Variants in EXT2 observed in about 807,000 individuals in gnomAD.
The protein encoded by EXT2 is exostosin-2.
EXT2 carries 53 observed loss-of-function variants against 81.6 expected under a neutral mutation model. That is an observed-to-expected ratio of 0.65 (90% CI 0.52 to 0.82). The LOEUF is 0.82. Ranked by LOEUF, EXT2 falls within the 40% of genes least tolerant of loss-of-function variation. The probability of loss-of-function intolerance (pLI) is 0.00; values close to 1 mark genes in which losing one functional copy is unlikely to be tolerated. For missense variants in EXT2, 774 were observed against 910.2 expected, an observed-to-expected ratio of 0.85 and a Z score of 1.93; for synonymous variants, 320 against 340.0, an observed-to-expected ratio of 0.94 and a Z score of 0.65.
At chr11:44,217,599 AAAGT>A (rs1955735306) in intron 10 of EXT2, among the ~76,000 whole-genome samples, 1 of 152,212 alleles carries the variant, frequency 6.6e-6, no homozygotes, top group African/African-American at 2.4e-5. Context: ...TTTTACTAGG[AAAGT>A]ATCTATTGAG....
At chr11:44,135,390 CTTT>C (rs10707708) in intron 7 of EXT2, among the ~76,000 whole-genome samples, 56 of 116,222 alleles carry the variant, frequency 4.8e-4, no homozygotes, top group Admixed American at 3.6e-4. Context: ...GATGGAAATA[CTTT>C]TTTTTTTTTT....
intron 1 of EXT2, among the ~76,000 whole-genome samples, chr11:44,097,782 A>T (rs1953922131): frequency 6.7e-6 from 1 of 150,266 alleles, no homozygotes; most frequent in Non-Finnish European, 1.5e-5. Context: ...ATAAATAAAT[A>T]AATAAATAAA....
chr11:44,126,959 G>T lies in EXT2; in HGVS notation c.1079+4G>T, dbSNP rs769373654. On this transcript the variant is annotated splice_donor_region_variant and intron_variant, in intron 6 of 13. Coordinates refer to ENST00000533608, the MANE Select transcript of EXT2 (RefSeq NM_207122.2). ...CTGAAGTTCTTGACTGGAAGAGGTG[G>T]GTAGTACCTCCTAGTAAACTCTACA... 3.7e-6 allele frequency: 6 copies of T among 1,613,844 alleles called. No individual in the cohort carries two copies. The highest frequency in any genetic ancestry group is 5.1e-6 in the Non-Finnish European group (6 of 1,179,924).
intron 7 of EXT2, among the ~76,000 whole-genome samples, chr11:44,157,404 G>C (rs1954869349): frequency 6.6e-6 from 1 of 152,194 alleles, no homozygotes; most frequent in Non-Finnish European, 1.5e-5. Context: ...AATCTACTTG[G>C]TTCTCTATTC....
At chr11:44,127,013 A>G in intron 6 of EXT2, 58 bp downstream of exon 6, 2 of 1,597,572 alleles carry the variant, frequency 1.3e-6, no homozygotes, top group Non-Finnish European at 1.7e-6. Flanking sequence ...TTACAAATAA[A>G]ATCTCCTCAG....
intron 3 of EXT2, 61 bp from the exon 4 acceptor site, chr11:44,114,124 C>T (rs113813856): frequency 2.1e-5 from 29 of 1,374,202 alleles, no homozygotes; most frequent in Middle Eastern, 3.7e-4. Flanking sequence ...TTCCTCTCCA[C>T]AGTGTGTATC....
chr11:44,244,061 C>T, intron 13 of EXT2, 88 bp from the exon 14 acceptor site: 1 of 1,234,066 alleles, frequency 8.1e-7, no homozygotes, highest in Non-Finnish European at 1.2e-6. Context: ...ATCTCTCAAC[C>T]TCTTGAACAT....
intron 8 of EXT2, among the ~76,000 whole-genome samples, chr11:44,189,030 T>C (rs1955355775): frequency 6.6e-6 from 1 of 152,194 alleles, no homozygotes; most frequent in Non-Finnish European, 1.5e-5. Flanking sequence ...AGCAAAGATC[T>C]TAAAAGCAGC....
In EXT2 at chr11:44,190,312, C is replaced by A. The variant is rs186189480; in HGVS notation, c.1306-7517C>A. On this transcript the variant is annotated intron_variant, in intron 8 of 13. Coordinates refer to ENST00000533608, the MANE Select transcript of EXT2 (RefSeq NM_207122.2). ...TCAAAGCTTTTTTTCCCCTTTTAGTCTGGTAATTCATAATTGAAACCACAT... is the reference window on the plus strand; with the variant it reads ...TCAAAGCTTTTTTTCCCCTTTTAGTATGGTAATTCATAATTGAAACCACAT... Among the ~76,000 whole-genome samples the A allele has an allele frequency of 5.5e-4, 84 of 152,240 alleles. 1 individual carries two copies. Among genetic ancestry groups the A allele is most frequent in the African/African-American group, 1.9e-3 (78 of 41,528 alleles).
At chr11:44,130,359 A>G (rs1331334576) in intron 7 of EXT2, among the ~76,000 whole-genome samples, 2 of 152,202 alleles carry the variant, frequency 1.3e-5, no homozygotes, top group South Asian at 4.1e-4. Flanking sequence ...GCCTACTGCA[A>G]TTTTAGGGTC....
chr11:44,161,326 T>G (rs1431268495), intron 7 of EXT2, among the ~76,000 whole-genome samples: 1 of 152,292 alleles, frequency 6.6e-6, no homozygotes, highest in Admixed American at 6.5e-5. Context: ...TGCCATACTT[T>G]ATGTATGTTA....
At chr11:44,107,011 T>C (rs1954065003) in intron 1 of EXT2, among the ~76,000 whole-genome samples, 1 of 152,214 alleles carries the variant, frequency 6.6e-6, no homozygotes, top group Admixed American at 6.5e-5. Flanking sequence ...TGAAATAAAA[T>C]AACTGTCTTT....
chr11:44,171,911 A>G, intron 8 of EXT2, 169 bp downstream of exon 8: 1 of 959,192 alleles, frequency 1.0e-6, no homozygotes, highest in South Asian at 1.4e-5. Flanking sequence ...TGAAACACTG[A>G]CAAAAGTAAA....
intron 3 of EXT2, among the ~76,000 whole-genome samples, chr11:44,113,705 G>A (rs780192913): frequency 6.6e-6 from 1 of 152,194 alleles, no homozygotes; most frequent in Non-Finnish European, 1.5e-5. Context: ...AGGCTGGGGT[G>A]TAAGCGATGT....
intron 4 of EXT2, among the ~76,000 whole-genome samples, chr11:44,123,263 GA>G (rs1412032616): frequency 6.6e-6 from 1 of 152,166 alleles, no homozygotes; most frequent in Non-Finnish European, 1.5e-5. Flanking sequence ...AGTAACTAAG[GA>G]AAAGTAACAA....
chr11:44,209,414 T>A (rs969016913), intron 10 of EXT2, among the ~76,000 whole-genome samples: 1 of 152,220 alleles, frequency 6.6e-6, no homozygotes, highest in Non-Finnish European at 1.5e-5. Flanking sequence ...CATTCATGAT[T>A]CTACTATGAT....
At chr11:44,114,550 G>A (rs763424672) in intron 4 of EXT2, among the ~76,000 whole-genome samples, 4 of 152,068 alleles carry the variant, frequency 2.6e-5, no homozygotes, top group Admixed American at 1.3e-4. Flanking sequence ...CCTTAACTCC[G>A]TTCTCTCCTT....
intron 8 of EXT2, among the ~76,000 whole-genome samples, chr11:44,183,994 G>A (rs2135154226): frequency 6.6e-6 from 1 of 152,356 alleles, no homozygotes; most frequent in East Asian, 1.9e-4. Context: ...TGGAATGTGA[G>A]TTCATCTCAC....
At chr11:44,229,173 G>GAAGCTGGCAGCACATTTCA (rs1256283999) in intron 10 of EXT2, among the ~76,000 whole-genome samples, 1 of 152,156 alleles carries the variant, frequency 6.6e-6, no homozygotes, top group Non-Finnish European at 1.5e-5. Context: ...CTGAGAAAAG[G>GAAGCTGGCAGCACATTTCA]AAGCTGGCAG....
Sources: allele counts gnomAD v4.1 joint callset (sites outside exome capture counted in the v4.1 genomes callset), GRCh38; gene constraint gnomAD v4.1.1; transcripts MANE v1.5; gene names NCBI Gene and HGNC (gene_info 2026-07-23, HGNC 2026-07-21).